CTNNA2: variants seen among roughly 807,000 people sequenced by gnomAD.
CTNNA2 encodes catenin alpha-2.
CTNNA2 carries 42 observed loss-of-function variants against 101.0 expected under a neutral mutation model. The observed-to-expected ratio is 0.42, with a 90% confidence interval of 0.32 to 0.54. CTNNA2 has a LOEUF of 0.54. Ranked by LOEUF, CTNNA2 falls within the 20% of genes least tolerant of loss-of-function variation. The probability of loss-of-function intolerance (pLI) is 0.14; values close to 1 mark genes in which losing one functional copy is unlikely to be tolerated. For missense variants in CTNNA2, 871 were observed against 1,223.1 expected (o/e 0.71, Z 4.29); for synonymous variants, 450 against 456.4 (o/e 0.99, Z 0.18).
At chr2:79,346,255 C>T (rs1489336197) in intron 3 of CTNNA2, among the ~76,000 whole-genome samples, 2 of 152,150 alleles carry the variant, frequency 1.3e-5, no homozygotes, top group Non-Finnish European at 2.9e-5. Context: ...ATTGACCTAA[C>T]CCCTGTCACA....
intron 7 of CTNNA2, among the ~76,000 whole-genome samples, chr2:80,294,475 ACCCCATGGAGCC>A (rs1201734128): frequency 2.6e-5 from 3 of 115,972 alleles, no homozygotes; most frequent in Non-Finnish European, 6.2e-5. Context: ...TGGAGCCCTG[ACCCCATGGAGCC>A]CAGGCACCAG....
At chr2:79,606,210 A>G (rs1677878565) in intron 1 of CTNNA2, among the ~76,000 whole-genome samples, 2 of 152,192 alleles carry the variant, frequency 1.3e-5, no homozygotes, top group African/African-American at 2.4e-5. Flanking sequence ...AGAAAATGGT[A>G]GCTATAAGAG....
intron 2 of CTNNA2, among the ~76,000 whole-genome samples, chr2:79,711,433 C>T (rs1685731336): frequency 6.6e-6 from 1 of 152,086 alleles, no homozygotes; most frequent in Admixed American, 6.6e-5. Flanking sequence ...TCTCTTTCTC[C>T]TCTGCCCAAT....
intron 9 of CTNNA2, among the ~76,000 whole-genome samples, chr2:80,438,290 C>G (rs1682224916): frequency 6.6e-6 from 1 of 152,130 alleles, no homozygotes; most frequent in Non-Finnish European, 1.5e-5. Flanking sequence ...CTCCTTTGAA[C>G]TTAATCACCT....
In CTNNA2 at chr2:79,754,145, G is replaced by T. The variant is rs867202133; in HGVS notation, c.298+9563G>T. ...GCCTCCCAAAGAGCTGTGATTACAG[G>T]CCTCAGCCACTGTGCCTGGCCTCAC... On this transcript the variant is annotated intron_variant, in intron 3 of 18. Coordinates refer to ENST00000402739, the MANE Select transcript of CTNNA2 (RefSeq NM_001282597.3). Among the ~76,000 whole-genome samples, 11 of 152,074 alleles carry T rather than the reference G, an allele frequency of 7.2e-5. 1 individual carries two copies. The highest frequency in any genetic ancestry group is 3.2e-3 in the Middle Eastern group (1 of 316).
chr2:80,048,339 A>G (rs1360364576), intron 7 of CTNNA2, among the ~76,000 whole-genome samples: 1 of 152,220 alleles, frequency 6.6e-6, no homozygotes, highest in Non-Finnish European at 1.5e-5. Context: ...GGAAATGTAC[A>G]TCTTCAGGCA....
chr2:79,475,549 A>G (rs1420710260), intron 4 of CTNNA2, among the ~76,000 whole-genome samples: 1 of 152,210 alleles, frequency 6.6e-6, no homozygotes, highest in Admixed American at 6.5e-5. Flanking sequence ...AGATGAACAA[A>G]TCAAAATTCC....
chr2:79,702,030 G>A (rs1685044548), intron 2 of CTNNA2, among the ~76,000 whole-genome samples: 2 of 143,956 alleles, frequency 1.4e-5, no homozygotes, highest in African/African-American at 5.1e-5. Context: ...AAAGACTGAT[G>A]TGGAAAGAGT....
chr2:79,715,558 A>T (rs1485634592), intron 2 of CTNNA2, among the ~76,000 whole-genome samples: 1 of 152,160 alleles, frequency 6.6e-6, no homozygotes, highest in African/African-American at 2.4e-5. Context: ...CTCAAACCAC[A>T]GTATACATAT....
chr2:79,512,229 A>G (rs1671564864), upstream of CTNNA2, among the ~76,000 whole-genome samples: 1 of 152,102 alleles, frequency 6.6e-6, no homozygotes, highest in African/African-American at 2.4e-5. Flanking sequence ...ACATTTTTGG[A>G]TATCTCAAAA....
intron 6 of CTNNA2, among the ~76,000 whole-genome samples, chr2:79,902,849 A>C (rs1372268389): frequency 1.3e-5 from 2 of 151,108 alleles, no homozygotes; most frequent in African/African-American, 2.4e-5. Context: ...CTGGTCTCGC[A>C]CTCCTGACCT....
chr2:79,308,561 T>A (rs1037202329), intron 2 of CTNNA2, among the ~76,000 whole-genome samples: 2 of 152,310 alleles, frequency 1.3e-5, no homozygotes, highest in Admixed American at 6.5e-5. Context: ...CGAGCTCTTA[T>A]TCATAAAGCC....
At chr2:79,781,915 GA>G (rs2105204179) in intron 3 of CTNNA2, among the ~76,000 whole-genome samples, 1 of 152,188 alleles carries the variant, frequency 6.6e-6, no homozygotes, top group African/African-American at 2.4e-5. Context: ...TAAGAACTGT[GA>G]AATACTTTCT....
At chr2:80,009,660 A>G (rs1235155331) in intron 7 of CTNNA2, among the ~76,000 whole-genome samples, 1 of 152,058 alleles carries the variant, frequency 6.6e-6, no homozygotes, top group Admixed American at 6.6e-5. Context: ...AATTAAAGGT[A>G]TCATTCATCC....
intron 7 of CTNNA2, among the ~76,000 whole-genome samples, chr2:80,144,873 A>G (rs1227292416): frequency 6.6e-6 from 1 of 152,122 alleles, no homozygotes; most frequent in Non-Finnish European, 1.5e-5. Context: ...GGGCTGAGTA[A>G]TTCTTTGTTG....
At chr2:79,357,671 G>A (rs1208148415) in intron 3 of CTNNA2, among the ~76,000 whole-genome samples, 1 of 151,920 alleles carries the variant, frequency 6.6e-6, no homozygotes, top group Non-Finnish European at 1.5e-5. Context: ...AATCATACCT[G>A]AGCACATCAT....
intron 9 of CTNNA2, among the ~76,000 whole-genome samples, chr2:80,540,394 C>T (rs139061290): frequency 0.025 from 3,833 of 151,942 alleles, 169 homozygotes; most frequent in African/African-American, 0.087. Context: ...GCTAGGAGTT[C>T]GAGACCAGCC....
intron 9 of CTNNA2, among the ~76,000 whole-genome samples, chr2:80,537,473 G>C (rs1691141173): frequency 6.6e-6 from 1 of 152,058 alleles, no homozygotes; most frequent in African/African-American, 2.4e-5. Flanking sequence ...TGATATTTCT[G>C]GTTCTAGATC....
intron 8 of CTNNA2, among the ~76,000 whole-genome samples, chr2:80,404,654 A>G (rs1678897578): frequency 6.6e-6 from 1 of 152,176 alleles, no homozygotes; most frequent in South Asian, 2.1e-4. Flanking sequence ...CTATTGATTC[A>G]GAAATCGTGG....
Sources: gnomAD v4.1 joint callset for allele counts (sites outside exome capture counted in the v4.1 genomes callset) on GRCh38, gnomAD v4.1.1 for gene constraint, MANE v1.5 for transcripts, NCBI Gene and HGNC (gene_info 2026-07-23, HGNC 2026-07-21) for gene names.